PRKCA: variants seen among roughly 807,000 people sequenced by gnomAD.
PRKCA encodes protein kinase C alpha type.
Under a neutral mutation model 87.0 loss-of-function variants are expected in PRKCA, and 27 were observed. The observed-to-expected ratio is 0.31, with a 90% CI of 0.23 to 0.43. The LOEUF (loss-of-function observed/expected upper bound fraction) is 0.43, where lower values mean the gene tolerates loss of function less well. Among genes scored for constraint, PRKCA ranks in the 20% least tolerant of loss-of-function variants. The pLI is 1.00. For synonymous variants in PRKCA, 329 were observed against 311.1 expected, an observed-to-expected ratio of 1.06 and a Z score of -0.61; for missense variants, 518 against 852.3, an observed-to-expected ratio of 0.61 and a Z score of 4.88.
chr17:66,713,529 CAA>C (rs1209070012), intron 8 of PRKCA, among the ~76,000 whole-genome samples: 1 of 152,180 alleles, frequency 6.6e-6, no homozygotes, highest in African/African-American at 2.4e-5. Flanking sequence ...GTCAAGTCAA[CAA>C]AGTCTCTTTT....
chr17:66,670,526 G>T (rs1467566651), intron 5 of PRKCA, among the ~76,000 whole-genome samples: 2 of 152,138 alleles, frequency 1.3e-5, no homozygotes, highest in South Asian at 2.1e-4. Flanking sequence ...AAATGTTTTG[G>T]GGTGAATCTT....
intron 2 of PRKCA, among the ~76,000 whole-genome samples, chr17:66,328,368 C>T (rs1194430577): frequency 6.6e-6 from 1 of 151,980 alleles, no homozygotes; most frequent in Non-Finnish European, 1.5e-5. Flanking sequence ...GCCACCATAC[C>T]CAGCTGGAAA....
chr17:66,735,690 C>A (rs781519813), intron 10 of PRKCA, 28 bp downstream of exon 10: 1 of 1,604,038 alleles, frequency 6.2e-7, no homozygotes. Flanking sequence ...CCCTGCGATG[C>A]AGTACCCAGC....
chr17:66,799,673 G>C (rs1343089528), intron 16 of PRKCA, among the ~76,000 whole-genome samples: 1 of 143,166 alleles, frequency 7.0e-6, no homozygotes, highest in Non-Finnish European at 1.5e-5. Flanking sequence ...GGTGGTGGTG[G>C]TGGTGGTAAT....
At chr17:66,781,081 C>T (rs1383155411) in intron 14 of PRKCA, among the ~76,000 whole-genome samples, 5 of 152,130 alleles carry the variant, frequency 3.3e-5, no homozygotes, top group South Asian at 2.1e-4. Flanking sequence ...TGCACTCCAG[C>T]GAGTGAGACT....
chr17:66,332,658 T>A (rs1906408592), intron 2 of PRKCA, among the ~76,000 whole-genome samples: 1 of 151,930 alleles, frequency 6.6e-6, no homozygotes, highest in African/African-American at 2.4e-5. Flanking sequence ...CCATTTTCTA[T>A]GAAGTCTAAA....
intron 3 of PRKCA, among the ~76,000 whole-genome samples, chr17:66,513,411 A>T (rs575720151): frequency 6.6e-6 from 1 of 152,362 alleles, no homozygotes; most frequent in Admixed American, 6.5e-5. Context: ...AATGTTTAGA[A>T]TATGCAGCCT....
chr17:66,385,181 TCCTTCCCTTGTCTTA>T (rs1477409735), intron 2 of PRKCA, among the ~76,000 whole-genome samples: 1 of 152,192 alleles, frequency 6.6e-6, no homozygotes, highest in African/African-American at 2.4e-5. Context: ...CTCAACTCCT[TCCTTCCCTTGTCTTA>T]CCTTACTCAC....
At chr17:66,305,595 C>T (rs61762375) in intron 1 of PRKCA, among the ~76,000 whole-genome samples, 2,149 of 152,176 alleles carry the variant, frequency 0.014, 52 homozygotes, top group African/African-American at 0.05. Flanking sequence ...TTTCTTAAGC[C>T]AACATTAAAT....
At chr17:66,749,446 G>T (rs1314514946) in intron 13 of PRKCA, among the ~76,000 whole-genome samples, 2 of 152,014 alleles carry the variant, frequency 1.3e-5, no homozygotes, top group African/African-American at 4.8e-5. Flanking sequence ...CCTTGGGGAG[G>T]CCCCCTGCCC....
chr17:66,377,701 T>TTA (rs1276051811), intron 2 of PRKCA, among the ~76,000 whole-genome samples: 935 of 77,728 alleles, frequency 0.012, 14 homozygotes, highest in Middle Eastern at 0.021. Flanking sequence ...AGTCTATGTT[T>TTA]TATATATATA....
At chr17:66,774,641 T>C (rs974340581) in intron 14 of PRKCA, 79 of 987,552 alleles carry the variant, frequency 8.0e-5, no homozygotes, top group Admixed American at 1.2e-4. Context: ...AATGTGCACG[T>C]TGATGACAGC....
chr17:66,437,315 T>C (rs1430076336), intron 2 of PRKCA, among the ~76,000 whole-genome samples: 1 of 152,134 alleles, frequency 6.6e-6, no homozygotes, highest in Non-Finnish European at 1.5e-5. Flanking sequence ...ACAGGTTTTC[T>C]CCATCATAAT....
chr17:66,346,762 C>T (rs1310012597), intron 2 of PRKCA, among the ~76,000 whole-genome samples: 1 of 152,108 alleles, frequency 6.6e-6, no homozygotes, highest in African/African-American at 2.4e-5. Context: ...GGTGCAGTGA[C>T]TCACGCTTGT....
At chr17:66,309,583 G>C (rs1296133437) in intron 2 of PRKCA, among the ~76,000 whole-genome samples, 1 of 152,212 alleles carries the variant, frequency 6.6e-6, no homozygotes, top group Non-Finnish European at 1.5e-5. Flanking sequence ...GGAGGAGAAA[G>C]ATGAGTGTGT....
At chr17:66,798,311 G>A (rs1255324255) in intron 16 of PRKCA, among the ~76,000 whole-genome samples, 1 of 151,090 alleles carries the variant, frequency 6.6e-6, no homozygotes, top group Non-Finnish European at 1.5e-5. Context: ...GTACCTTCTT[G>A]AATCTACTGC....
At chr17:66,555,623 C>T (rs1312475733) in intron 3 of PRKCA, among the ~76,000 whole-genome samples, 19 of 152,122 alleles carry the variant, frequency 1.2e-4, no homozygotes, top group Admixed American at 7.9e-4. Context: ...AACTTGTAGC[C>T]TAGATTATCC....
At chr17:66,642,518 C>T (rs995554584) in intron 4 of PRKCA, among the ~76,000 whole-genome samples, 2 of 151,982 alleles carry the variant, frequency 1.3e-5, no homozygotes, top group African/African-American at 4.8e-5. Context: ...AGTTAATTGC[C>T]GAGCCTGTTT....
At chr17:66,336,945 C>T (rs1206050783) in intron 2 of PRKCA, among the ~76,000 whole-genome samples, 4 of 151,922 alleles carry the variant, frequency 2.6e-5, no homozygotes, top group African/African-American at 7.3e-5. Context: ...CCCGCCACCA[C>T]GTCCAGCTAA....
Sources: allele counts gnomAD v4.1 joint callset (sites outside exome capture counted in the v4.1 genomes callset), GRCh38; gene constraint gnomAD v4.1.1; transcripts MANE v1.5; gene names NCBI Gene and HGNC (gene_info 2026-07-23, HGNC 2026-07-21).